Variants in GPHN observed in about 807,000 individuals in gnomAD.
GPHN encodes gephyrin.
A neutral mutation model predicts 95.5 loss-of-function variants in GPHN; 17 were observed. The ratio of observed to expected loss-of-function variants is 0.18; its 90% CI spans 0.12 to 0.27. GPHN has a LOEUF of 0.27. Ranked by LOEUF, GPHN falls within the 10% of genes least tolerant of loss-of-function variation. GPHN has a pLI of 1.00. For missense variants in GPHN, 660 were observed against 978.1 expected (o/e 0.67, Z 4.34); for synonymous variants, 320 against 322.5 (o/e 0.99, Z 0.08).
In GPHN at chr14:66,990,699, A is replaced by G. The variant is rs1162536664; in HGVS notation, c.963+25374A>G. Among the ~76,000 whole-genome samples, 15 of 152,244 alleles carry G rather than the reference A, an allele frequency of 9.9e-5. No individual in the cohort carries two copies. In the East Asian group the frequency reaches 2.7e-3, roughly 27 times the overall value. The stretch of plus-strand genomic sequence containing the variant: ...TTTACATAACAGCAGAGTTGAATAG[A>G]TGAAACACAGATTATGTGGCCCATA... On this transcript the variant is annotated intron_variant, in intron 9 of 22. Coordinates refer to ENST00000478722, the MANE Select transcript of GPHN (RefSeq NM_020806.5).
chr14:67,135,449 T>C (rs772047365), intron 17 of GPHN, among the ~76,000 whole-genome samples: 5 of 152,236 alleles, frequency 3.3e-5, no homozygotes, highest in South Asian at 2.1e-4. Context: ...TCTTCCATTT[T>C]GATTAGTGAA....
intron 1 of GPHN, among the ~76,000 whole-genome samples, chr14:66,548,814 C>CA (rs1433725556): frequency 1.3e-5 from 2 of 152,052 alleles, no homozygotes; most frequent in African/African-American, 4.8e-5. Flanking sequence ...CCTCTTGTGC[C>CA]AAATAGCCAA....
At chr14:66,789,512 G>A (rs1256370792) in intron 3 of GPHN, among the ~76,000 whole-genome samples, 1 of 152,120 alleles carries the variant, frequency 6.6e-6, no homozygotes, top group South Asian at 2.1e-4. Flanking sequence ...TCAATTACTG[G>A]CTTTAGGGTT....
At chr14:66,971,402 T>C (rs1427631454) in intron 9 of GPHN, among the ~76,000 whole-genome samples, 1 of 152,242 alleles carries the variant, frequency 6.6e-6, no homozygotes, top group Non-Finnish European at 1.5e-5. Flanking sequence ...AAGTATATTT[T>C]CCACAACCAA....
rs1434350211 is a variant in GPHN at position 66,546,316 on chromosome 14, G to A, written c.64+37725G>A. Among the ~76,000 whole-genome samples the A allele has an allele frequency of 6.7e-5, 10 of 148,678 alleles. No homozygotes were observed. The East Asian group carries it at 1.0e-3, about 16-fold the overall frequency. ...GCAGCCAGGCAGAGGGGCTCCTCAC[G>A]TCCCAGATGATGGGCGGCCAGGCAG... is the stretch of plus-strand genomic sequence containing the variant. On this transcript the variant is annotated intron_variant, in intron 1 of 22. Transcript: ENST00000478722.
intron 1 of GPHN, among the ~76,000 whole-genome samples, chr14:66,548,688 A>C (rs893639237): frequency 2.6e-5 from 4 of 152,214 alleles, no homozygotes; most frequent in African/African-American, 9.6e-5. Context: ...TAGGTGTTCA[A>C]GATCTAGAGA....
At chr14:66,690,008 T>A (rs1469618036) in intron 2 of GPHN, among the ~76,000 whole-genome samples, 1 of 151,972 alleles carries the variant, frequency 6.6e-6, no homozygotes, top group African/African-American at 2.4e-5. Flanking sequence ...ACCAACTTTT[T>A]GACTTTTTTT....
downstream of GPHN, among the ~76,000 whole-genome samples, chr14:67,183,064 A>T (rs1443854308): frequency 1.3e-5 from 2 of 152,120 alleles, no homozygotes; most frequent in Non-Finnish European, 2.9e-5. Context: ...AGCACAGGAA[A>T]AAGAGTATTC....
chr14:66,780,483 CCT>C (rs2059565024), intron 3 of GPHN, among the ~76,000 whole-genome samples: 2 of 150,774 alleles, frequency 1.3e-5, no homozygotes, highest in African/African-American at 4.9e-5. Context: ...AGGACTTTTG[CCT>C]GTTTTTAAAT....
At chr14:67,325,969 C>T in the GPHN span, among the ~76,000 whole-genome samples, 3 of 145,976 alleles carry the variant, frequency 2.1e-5, no homozygotes, top group South Asian at 2.2e-4. Flanking sequence ...CCACCACACC[C>T]GGCTCTTTTC....
the GPHN span, among the ~76,000 whole-genome samples, chr14:67,287,331 G>A: frequency 6.6e-6 from 1 of 151,590 alleles, no homozygotes; most frequent in East Asian, 1.9e-4. Context: ...AAATATATTG[G>A]ATTAAAAGCC....
rs141931990 is a variant in GPHN at position 66,802,175 on chromosome 14, G to A, written c.202-22299G>A. ...GTATGGCTGAGCTTGCCCTCAAACCGCATGACATAGTCCTTTGCACTTTTC... is the reference window on the plus strand; with the variant it reads ...GTATGGCTGAGCTTGCCCTCAAACCACATGACATAGTCCTTTGCACTTTTC... On this transcript the variant is annotated intron_variant, in intron 3 of 22. Coordinates refer to ENST00000478722, the MANE Select transcript of GPHN (RefSeq NM_020806.5). Among the ~76,000 whole-genome samples, 444 of 152,216 alleles carry A rather than the reference G, an allele frequency of 2.9e-3. 1 individual carries two copies. The highest frequency in any genetic ancestry group is 4.9e-3 in the Non-Finnish European group (330 of 68,002).
intron 18 of GPHN, among the ~76,000 whole-genome samples, chr14:67,147,842 CTGAG>C (rs1396732714): frequency 6.6e-6 from 1 of 152,200 alleles, no homozygotes; most frequent in Non-Finnish European, 1.5e-5. Flanking sequence ...CTAGGGCAGA[CTGAG>C]TATCTCTTCT....
chr14:66,523,248 A>G (rs140050267), intron 1 of GPHN, among the ~76,000 whole-genome samples: 1 of 152,210 alleles, frequency 6.6e-6, no homozygotes, highest in East Asian at 1.9e-4. Context: ...ATCATGTGCT[A>G]CAGAGGTTCA....
chr14:66,584,079 T>C (rs1050353019), intron 1 of GPHN, among the ~76,000 whole-genome samples: 1 of 152,094 alleles, frequency 6.6e-6, no homozygotes, highest in Non-Finnish European at 1.5e-5. Context: ...TGGTTTGTAG[T>C]TCTCCTTGAA....
At chr14:67,381,288 CTTATA>C in the GPHN span, among the ~76,000 whole-genome samples, 2 of 152,190 alleles carry the variant, frequency 1.3e-5, no homozygotes, top group African/African-American at 2.4e-5. Context: ...AATTAGCACC[CTTATA>C]TTATACATAC....
rs574998224 is a variant in GPHN, at chr14:66,919,487, A to T, written c.457-3179A>T. Among the ~76,000 whole-genome samples the T allele has an allele frequency of 2.0e-5, 3 of 152,256 alleles. No homozygotes were observed. The East Asian group carries it at 5.8e-4, about 29-fold the overall frequency. The stretch of plus-strand genomic sequence containing the variant: ...GGGCTCAATCTCCTGCAGTTCAAGA[A>T]TGAGGGGTTGGGATTAGGAAAATAA... On this transcript the variant is annotated intron_variant, in intron 6 of 22. Coordinates refer to ENST00000478722, the MANE Select transcript of GPHN (RefSeq NM_020806.5).
At chr14:67,402,667 G>A in the GPHN span, among the ~76,000 whole-genome samples, 1 of 152,164 alleles carries the variant, frequency 6.6e-6, no homozygotes, top group Admixed American at 6.6e-5. Context: ...GAATAAGTGA[G>A]AACATGTGAC....
chr14:67,574,933 G>C, the GPHN span, among the ~76,000 whole-genome samples: 12,408 of 152,256 alleles, frequency 0.081, 610 homozygotes, highest in Middle Eastern at 0.12. The surrounding 1 kb of genome is among the most constrained non-coding windows in gnomAD (Gnocchi z 4.2). Context: ...AGCAAGCTCA[G>C]GGCTGGCAGG....
Sources: gnomAD v4.1 joint callset for allele counts (sites outside exome capture counted in the v4.1 genomes callset) on GRCh38, gnomAD v4.1.1 for gene constraint, Gnocchi (gnomAD v3.1) non-coding constraint, MANE v1.5 for transcripts, NCBI Gene and HGNC (gene_info 2026-07-23, HGNC 2026-07-21) for gene names.